The following WDFY4 variants were observed in gnomAD, a reference collection of about 807,000 sequenced individuals.
WDFY4 encodes the protein WDFY family member 4.
Under a neutral mutation model 351.9 loss-of-function variants are expected in WDFY4, and 169 were observed. The ratio of observed to expected loss-of-function variants is 0.48; its 90% CI spans 0.42 to 0.55. The LOEUF (loss-of-function observed/expected upper bound fraction) is 0.55. Ranked by LOEUF, WDFY4 falls within the 20% of genes least tolerant of loss-of-function variation. WDFY4 has a pLI of 0.00. For synonymous variants in WDFY4, 1,622 were observed against 1,574.6 expected (o/e 1.03, Z -0.71); for missense variants, 3,803 against 3,935.6 (o/e 0.97, Z 0.90).
chr10:48,787,024 A>G (rs1051266345), intron 20 of WDFY4, among the ~76,000 whole-genome samples, 154 bp downstream of exon 20: 41 of 152,240 alleles, frequency 2.7e-4, no homozygotes, highest in African/African-American at 3.1e-4. Flanking sequence ...TTTACAACCC[A>G]AGAGAAAATG....
At position 48,969,003 on chromosome 10, in the gene WDFY4, G is replaced by C. The variant is rs1442104089; in HGVS notation, c.8585-61G>C. On this transcript the variant is annotated intron_variant, in intron 55 of 61. Coordinates refer to ENST00000325239, the MANE Select transcript of WDFY4 (RefSeq NM_001394531.1). ...GTCTGCCTGTGACTCCTGCCTGGGG[G>C]CCCAGCTGTAGTGGGTGCTGTTCTT... 4 of 1,510,494 alleles carry C rather than the reference G, an allele frequency of 2.6e-6. No individual in the cohort carries two copies. In the African/African-American group the frequency reaches 5.5e-5, roughly 21 times the overall value. The allele number at this position is 1,510,494 out of a possible 1,614,324, so 93.6% of individuals were successfully genotyped here. A position where few individuals can be genotyped will look rare whatever the true frequency, so the allele number is the denominator to read the frequency against.
rs771868946 is a variant in WDFY4 at position 48,897,597 on chromosome 10, C to A, written c.7437+23C>A. Reference sequence around the variant, plus strand: ...CAGGTAAGCACACTGGGTGCTGGCACGCCTGGGGCCTGCGAGAGGCAGGGC... The same window carrying A: ...CAGGTAAGCACACTGGGTGCTGGCAAGCCTGGGGCCTGCGAGAGGCAGGGC... On this transcript the variant is annotated intron_variant, in intron 45 of 61. Coordinates refer to ENST00000325239, the MANE Select transcript of WDFY4 (RefSeq NM_001394531.1). 26 of 1,539,156 alleles carry A rather than the reference C, an allele frequency of 1.7e-5. No individual in the cohort carries two copies. In the South Asian group the frequency reaches 3.0e-4, roughly 18 times the overall value.
Position 48,970,111 on chromosome 10 carries a change from A to T in WDFY4, c.8770-20A>T. ...CCCTGCTGTCTCCACAGCAGCGCTC[A>T]TCCCCCTTATCTCCTACAGGTCCTG... On this transcript the variant is annotated intron_variant, in intron 56 of 61. Transcript: ENST00000325239. 1 of 1,550,724 alleles carries T rather than the reference A, an allele frequency of 6.4e-7. No individual in the cohort carries two copies. The highest frequency in any genetic ancestry group is 1.2e-5 in the South Asian group (1 of 84,018).
At chr10:48,778,579 A>C in intron 17 of WDFY4, 32 bp from the exon 18 acceptor site, 1 of 1,544,026 alleles carries the variant, frequency 6.5e-7, no homozygotes, top group Non-Finnish European at 8.7e-7. Flanking sequence ...GGGCAGAACA[A>C]AGCCTGAGGG....
chr10:48,928,455 G>A (rs1443323556), intron 47 of WDFY4, among the ~76,000 whole-genome samples: 1 of 151,330 alleles, frequency 6.6e-6, no homozygotes, highest in East Asian at 2.0e-4. Flanking sequence ...CTGACCAAAT[G>A]GGGAACCTGG....
At chr10:48,845,246 T>C (rs1218769435) in intron 39 of WDFY4, among the ~76,000 whole-genome samples, 30 of 152,172 alleles carry the variant, frequency 2.0e-4, no homozygotes, top group Non-Finnish European at 1.5e-5. Context: ...GTGGCCTCTA[T>C]ATCTGTATTT....
chr10:48,733,918 T>C lies in WDFY4; in HGVS notation c.1583-13T>C. On this transcript the variant is annotated splice_polypyrimidine_tract_variant and intron_variant, in intron 9 of 61. Coordinates refer to ENST00000325239, the MANE Select transcript of WDFY4 (RefSeq NM_001394531.1). ...ACTTAATTTATTTTGTTATTTCTTCTTCAATATGGCAGGAAACAAAGTGTC... is the reference window on the plus strand; with the variant it reads ...ACTTAATTTATTTTGTTATTTCTTCCTCAATATGGCAGGAAACAAAGTGTC... 6.4e-7 allele frequency: 1 copy of C among 1,551,168 alleles called. No homozygotes were observed. The highest frequency in any genetic ancestry group is 8.7e-7 in the Non-Finnish European group (1 of 1,146,572).
At chr10:48,784,451 T>G (rs1341598675) in intron 19 of WDFY4, among the ~76,000 whole-genome samples, 1 of 151,908 alleles carries the variant, frequency 6.6e-6, no homozygotes, top group Admixed American at 6.6e-5. Context: ...CACCTTTTCA[T>G]GTGCTTATTT....
intron 37 of WDFY4, among the ~76,000 whole-genome samples, chr10:48,830,096 C>T (rs2068137591): frequency 6.6e-6 from 1 of 152,142 alleles, no homozygotes; most frequent in Non-Finnish European, 1.5e-5. Flanking sequence ...AAAATTTAGG[C>T]ATGGTTCAGG....
chr10:48,826,893 C>T lies in WDFY4; in HGVS notation c.6205C>T (p.Leu2069=). ...CCTGTGTCTCATGCATTGCCTTTTG[C>T]TACTCAATGAGAGAAGGTAAGAGCT... The part of the protein sequence containing the change: ...FLLCLMHCLL[L]LNERSYPEGF... Residue 2069 remains leucine (L), a synonymous_variant, in exon 36 of 62, where the codon CTA becomes TTA. Coordinates refer to ENST00000325239, the MANE Select transcript of WDFY4 (RefSeq NM_001394531.1). The T allele has an allele frequency of 6.4e-7, 1 of 1,551,636 alleles. No individual in the cohort carries two copies. Among genetic ancestry groups the T allele is most frequent in the Non-Finnish European group, 8.7e-7 (1 of 1,146,938 alleles).
intron 49 of WDFY4, 63 bp from the exon 50 acceptor site, chr10:48,945,977 G>C (rs1741444354): frequency 6.3e-6 from 7 of 1,104,216 alleles, no homozygotes; most frequent in Non-Finnish European, 7.6e-6. Flanking sequence ...AAACTCAAGA[G>C]CGTGGCTCCT....
chr10:48,852,523 G>GTGCT (rs2133181991), intron 39 of WDFY4, among the ~76,000 whole-genome samples: 1 of 152,330 alleles, frequency 6.6e-6, no homozygotes, highest in East Asian at 1.9e-4. Flanking sequence ...ATCCACTGAT[G>GTGCT]TGCTCTGGGT....
At position 48,742,993 on chromosome 10, in the gene WDFY4, C is replaced by T. The variant is rs1279642994; in HGVS notation, c.1904C>T (p.Pro635Leu). ...LKSLLRILVT[P>L]KGRAAFRVSS... is the part of the protein sequence containing the mutation. ...TCTCTGCTCCGGATCCTGGTGACCC[C>T]CAAGGGTCGTGCTGCCTTCAGAGTC... The change falls in exon 12 of 62, where the codon CCC becomes CTC. Residue 635 changes from proline (P) to leucine (L), a missense_variant. Pro to Leu is a moderately conservative substitution (Grantham distance 98). Transcript: ENST00000325239. 1.9e-6 allele frequency: 3 copies of T among 1,549,950 alleles called. No homozygotes were observed. Among genetic ancestry groups the T allele is most frequent in the Non-Finnish European group, 1.7e-6 (2 of 1,146,636 alleles).
At chr10:48,877,666 C>G (rs527630992) in intron 43 of WDFY4, among the ~76,000 whole-genome samples, 11 of 152,350 alleles carry the variant, frequency 7.2e-5, no homozygotes, top group African/African-American at 2.6e-4. Flanking sequence ...CTCACCTTGG[C>G]CACCACTCAA....
chr10:48,928,761 C>G (rs1589922847), intron 47 of WDFY4, among the ~76,000 whole-genome samples: 1 of 152,196 alleles, frequency 6.6e-6, no homozygotes, highest in South Asian at 2.1e-4. Context: ...CCTGTGGCAG[C>G]TTTGCTGACC....
chr10:48,732,628 C>T (rs370156330), intron 9 of WDFY4, among the ~76,000 whole-genome samples: 124 of 152,296 alleles, frequency 8.1e-4, no homozygotes, highest in African/African-American at 2.6e-3. Context: ...TGACTTAACC[C>T]GTACGAGCCG....
At chr10:48,959,903 G>C (rs1215193550) in intron 53 of WDFY4, 90 bp downstream of exon 53, 81 of 1,221,306 alleles carry the variant, frequency 6.6e-5, no homozygotes, top group Non-Finnish European at 8.9e-5. Flanking sequence ...TGGAGGGCCA[G>C]TGACCAGCAC....
intron 47 of WDFY4, among the ~76,000 whole-genome samples, chr10:48,941,033 GC>G (rs1840726256): frequency 6.6e-6 from 1 of 152,162 alleles, no homozygotes; most frequent in African/African-American, 2.4e-5. Flanking sequence ...TAGCACCACA[GC>G]TACTCACAGA....
intron 9 of WDFY4, among the ~76,000 whole-genome samples, chr10:48,733,000 C>T (rs2064519393): frequency 6.6e-6 from 1 of 152,244 alleles, no homozygotes. Context: ...AACTTCTGTC[C>T]TTAAATCCCA....
Sources: gnomAD v4.1 joint callset for allele counts (sites outside exome capture counted in the v4.1 genomes callset) on GRCh38, gnomAD v4.1.1 for gene constraint, MANE v1.5 for transcripts, NCBI Gene and HGNC (gene_info 2026-07-23, HGNC 2026-07-21) for gene names.